Variants in CEP131 observed in about 807,000 individuals in gnomAD.
The protein encoded by CEP131 is centrosomal protein 131.
In CEP131, 99 loss-of-function variants were observed where a neutral mutation model predicts 136.8. That is an observed-to-expected ratio of 0.72 (90% CI 0.62 to 0.86). The LOEUF is 0.86. Among genes scored for constraint, CEP131 ranks in the 40% least tolerant of loss-of-function variants. The pLI, the probability that CEP131 is intolerant of heterozygous loss-of-function variation, is 0.00. For synonymous variants in CEP131, 646 were observed against 612.7 expected (o/e 1.05, Z -0.80); for missense variants, 1,459 against 1,463.0 (o/e 1.00, Z 0.04).
In CEP131 at chr17:81,199,402, C is replaced by G. The variant is rs749160439; in HGVS notation, c.1171G>C (p.Ala391Pro). ...SPTPGGTAHQ[A>P]LKANNTGGGL... The stretch of plus-strand genomic sequence containing the variant: ...TCACCAGTATTGTTGGCCTTGAGGG[C>G]CTGGTGGGCAGTGCCGCCTGGTGTG... Residue 391 changes from alanine to proline, a missense_variant, in exon 10 of 26, where the codon GCC becomes CCC. Ala to Pro is a conservative substitution (Grantham distance 27). Coordinates refer to ENST00000450824, the MANE Select transcript of CEP131 (RefSeq NM_014984.4). The G allele has an allele frequency of 1.2e-6, 2 of 1,605,040 alleles. No homozygotes were observed. Among genetic ancestry groups the G allele is most frequent in the Admixed American group, 1.7e-5 (1 of 58,882 alleles).
In CEP131 at chr17:81,203,410, C is replaced by T. The variant is rs763590012; in HGVS notation, c.629+84G>A. 1.5e-5 allele frequency: 17 copies of T among 1,141,730 alleles called. No homozygotes were observed. The highest frequency in any genetic ancestry group is 4.1e-4 in the Middle Eastern group (2 of 4,882). The allele number at this position is 1,141,730 out of a possible 1,614,324, so 70.7% of individuals were successfully genotyped here. ...GTGTGAACTGACCGCGTGCCCTGAC[C>T]GAGGTCGGACCCCAGGTGCACTGAC... On this transcript the variant is annotated intron_variant, in intron 6 of 25. Coordinates refer to ENST00000450824, the MANE Select transcript of CEP131 (RefSeq NM_014984.4). This position sits in a 1 kb window ranked among gnomAD's most constrained non-coding sequence, Gnocchi z 4.6.
chr17:81,197,663 G>A (rs1279721837), intron 13 of CEP131, 49 bp downstream of exon 13: 1 of 1,569,098 alleles, frequency 6.4e-7, no homozygotes, highest in South Asian at 1.2e-5. Flanking sequence ...GCAGGCTCGT[G>A]AGGGGCCTCC....
chr17:81,191,092 T>G lies in CEP131; in HGVS notation c.2766-8A>C. 6.3e-7 allele frequency: 1 copy of G among 1,599,060 alleles called. No homozygotes were observed. Among genetic ancestry groups the G allele is most frequent in the Non-Finnish European group, 8.5e-7 (1 of 1,171,494 alleles). The stretch of plus-strand genomic sequence containing the variant: ...TCCCGTAAGCGCTTGATGCTGGAGG[T>G]GGGGGGAGGGCAGGGTCACTCCAGC... On this transcript the variant is annotated splice_polypyrimidine_tract_variant and splice_region_variant and intron_variant, in intron 22 of 25. Coordinates refer to ENST00000450824, the MANE Select transcript of CEP131 (RefSeq NM_014984.4).
rs768406232 is a variant in CEP131 at position 81,192,794 on chromosome 17, G to C, written c.2371C>G (p.Gln791Glu). 1 of 1,598,398 alleles carries C rather than the reference G, an allele frequency of 6.3e-7. No individual in the cohort carries two copies. The highest frequency in any genetic ancestry group is 8.5e-7 in the Non-Finnish European group (1 of 1,179,002). ...TCAGCCACCTCACTGTACAGCCGCT[G>C]CCGTTGCTGCTGCAGCGCCCACTGC... is the stretch of plus-strand genomic sequence containing the variant. ...QEQWALQQQRQRLYSEVAEER... is the reference protein window; with the variant it reads ...QEQWALQQQRERLYSEVAEER... The change falls in exon 19 of 26, where the codon CAG becomes GAG. Residue 791 changes from glutamine to glutamate, a missense_variant. By Grantham distance (29) the Gln-to-Glu change is conservative (BLOSUM62 2). Coordinates refer to ENST00000450824, the MANE Select transcript of CEP131 (RefSeq NM_014984.4).
At position 81,198,123 on chromosome 17, in the gene CEP131, C is replaced by T. The variant is rs1397099918; in HGVS notation, c.1462G>A (p.Ala488Thr). The T allele has an allele frequency of 2.6e-6, 4 of 1,564,374 alleles. No individual in the cohort carries two copies. Among genetic ancestry groups the T allele is most frequent in the Admixed American group, 1.9e-5 (1 of 53,906 alleles). Residue 488 changes from alanine (A) to threonine (T), a missense_variant, in exon 12 of 26, where the codon GCC becomes ACC. Around this residue, in one of 3 missense-constraint regions of CEP131, gnomAD observed 1,026 missense variants for 964.2 expected, o/e 1.06. Coordinates refer to ENST00000450824, the MANE Select transcript of CEP131 (RefSeq NM_014984.4). ...GCGCACACCGTGGTCACCTCGCTGG[C>T]CCAGGCGTATCTGCCCCTGTGATGG... ...RTHHRGRYAW[A>T]SEEDDASSLT...
At chr17:81,216,585 C>T (rs1353278023) in intron 2 of CEP131, among the ~76,000 whole-genome samples, 3 of 152,196 alleles carry the variant, frequency 2.0e-5, no homozygotes, top group Non-Finnish European at 4.4e-5. Context: ...GGATACGGCA[C>T]TTGTTCCAAC....
intron 17 of CEP131, 74 bp from the exon 18 acceptor site, chr17:81,194,201 A>G (rs2146515144): frequency 7.3e-7 from 1 of 1,363,330 alleles, no homozygotes. Flanking sequence ...GCACAAGACC[A>G]GCCTGTCTCA....
intron 1 of CEP131, among the ~76,000 whole-genome samples, chr17:81,221,847 T>C: frequency 6.6e-6 from 1 of 152,256 alleles, no homozygotes. Context: ...CCTGCCACGG[T>C]GGCCTCCAGT....
chr17:81,192,667 A>AGGGGGGG (rs3833101), intron 19 of CEP131, 69 bp downstream of exon 19: 1 of 176,868 alleles, frequency 5.7e-6, no homozygotes, highest in African/African-American at 4.9e-5. Flanking sequence ...TCAGCGGGTG[A>AGGGGGGG]GGGGGCGGGG....
chr17:81,192,533 G>C lies in CEP131; in HGVS notation c.2490C>G (p.Thr830=). 6.2e-7 allele frequency: 1 copy of C among 1,610,634 alleles called. No individual in the cohort carries two copies. The highest frequency in any genetic ancestry group is 8.5e-7 in the Non-Finnish European group (1 of 1,179,604). Reference sequence around the variant, plus strand: ...TCTCAAACTCAGCCCTCAGGGCTCGGGTCAGTGCAGAGCTGCTCTCCTCCA... The same window carrying C: ...TCTCAAACTCAGCCCTCAGGGCTCGCGTCAGTGCAGAGCTGCTCTCCTCCA... The part of the protein sequence containing the change: ...QQLEESSSAL[T]RALRAEFEKG... The change falls in exon 20 of 26, where the codon ACC becomes ACG. Residue 830 remains threonine, a synonymous_variant. Coordinates refer to ENST00000450824, the MANE Select transcript of CEP131 (RefSeq NM_014984.4).
intron 24 of CEP131, among the ~76,000 whole-genome samples, chr17:81,190,414 C>T (rs894948049): frequency 6.6e-6 from 1 of 152,182 alleles, no homozygotes; most frequent in Non-Finnish European, 1.5e-5. Context: ...ACTCGGGTGC[C>T]CCAACAGGGA....
rs1205821193 is a variant in CEP131 at position 81,194,019 on chromosome 17, T to C, written c.2228A>G (p.Gln743Arg). 6 of 1,570,678 alleles carry C rather than the reference T, an allele frequency of 3.8e-6. No individual in the cohort carries two copies. Among genetic ancestry groups the C allele is most frequent in the Non-Finnish European group, 5.2e-6 (6 of 1,158,536 alleles). Reference sequence around the variant, plus strand: ...CTCCTCGGCCTGGCGCAGGCAGCGCTGCGAGGCCCGCTCATCCGACTGCAG... The same window carrying C: ...CTCCTCGGCCTGGCGCAGGCAGCGCCGCGAGGCCCGCTCATCCGACTGCAG... ...ELLQSDERAS[Q>R]RCLRQAEELR... The change falls in exon 18 of 26, where the codon CAG becomes CGG. Residue 743 changes from glutamine (Q) to arginine (R), a missense_variant. Coordinates refer to ENST00000450824, the MANE Select transcript of CEP131 (RefSeq NM_014984.4).
intron 2 of CEP131, among the ~76,000 whole-genome samples, chr17:81,217,919 C>T (rs567050265): frequency 5.3e-5 from 8 of 152,228 alleles, no homozygotes; most frequent in African/African-American, 1.4e-4. Flanking sequence ...GCCATGCCGC[C>T]GAAAGACCAT....
At chr17:81,205,562 A>C (rs917681363) in intron 5 of CEP131, among the ~76,000 whole-genome samples, 7 of 151,574 alleles carry the variant, frequency 4.6e-5, no homozygotes, top group African/African-American at 1.7e-4. Flanking sequence ...GTGCTGTTTG[A>C]CATTTTGGCT....
At position 81,195,886 on chromosome 17, in the gene CEP131, C is replaced by T; in HGVS notation, c.1965G>A (p.Glu655=). The T allele has an allele frequency of 6.2e-7, 1 of 1,609,438 alleles. No homozygotes were observed. The highest frequency in any genetic ancestry group is 8.5e-7 in the Non-Finnish European group (1 of 1,179,940). ...CCACACGCTCGGTGCATCTCTGGTCCTCCTGCTTCAGCTCGGCCACCACAG... is the reference window on the plus strand; with the variant it reads ...CCACACGCTCGGTGCATCTCTGGTCTTCCTGCTTCAGCTCGGCCACCACAG... The part of the protein sequence containing the change: ...CEAVVAELKQ[E]DQRCTERVAQ... Residue 655 remains glutamate (E), a synonymous_variant, in exon 16 of 26, where the codon GAG becomes GAA. Transcript: ENST00000450824.
chr17:81,192,214 C>A, intron 21 of CEP131, 104 bp downstream of exon 21: 2 of 1,089,954 alleles, frequency 1.8e-6, no homozygotes, highest in Non-Finnish European at 2.6e-6. Flanking sequence ...AAACGAGCCC[C>A]CAGGATGCCA....
In CEP131 at chr17:81,196,916, G is replaced by A; in HGVS notation, c.1773+14C>T. Reference sequence around the variant, plus strand: ...GCTAGCAGGGCCCGGGATTAGCAGTGCCAGCAGCGTTACCAGCGCTCTCTG... The same window carrying A: ...GCTAGCAGGGCCCGGGATTAGCAGTACCAGCAGCGTTACCAGCGCTCTCTG... On this transcript the variant is annotated intron_variant, in intron 14 of 25. Transcript: ENST00000450824. The A allele has an allele frequency of 6.2e-7, 1 of 1,608,938 alleles. No individual in the cohort carries two copies. Among genetic ancestry groups the A allele is most frequent in the Admixed American group, 1.7e-5 (1 of 59,688 alleles).
At position 81,219,428 on chromosome 17, in the gene CEP131, G is replaced by C. The variant is rs1210913514; in HGVS notation, c.177+452C>G. On this transcript the variant is annotated intron_variant, in intron 2 of 25. Transcript: ENST00000450824. The surrounding 1 kb of genome is among the most constrained non-coding windows in gnomAD (Gnocchi z 4.0). Reference sequence around the variant, plus strand: ...CCTGCCTCAGCCTCCCGAGTAGCTAGGATTACAGGCATGCACCACCATGCC... The same window carrying C: ...CCTGCCTCAGCCTCCCGAGTAGCTACGATTACAGGCATGCACCACCATGCC... 1.3e-5 allele frequency among the ~76,000 whole-genome samples: 2 copies of C among 151,642 alleles called. No individual in the cohort carries two copies. The highest frequency in any genetic ancestry group is 4.9e-5 in the African/African-American group (2 of 41,232).
chr17:81,197,192 G>C, intron 13 of CEP131, 137 bp from the exon 14 acceptor site: 1 of 1,294,762 alleles, frequency 7.7e-7, no homozygotes, highest in Non-Finnish European at 1.0e-6. Flanking sequence ...AAGCCGGAGG[G>C]CAGGTGGCAG....
Sources: gnomAD v4.1 joint callset for allele counts (sites outside exome capture counted in the v4.1 genomes callset) on GRCh38, gnomAD v4.1.1 for gene constraint, gnomAD v4.1.1 regional missense constraint, Gnocchi (gnomAD v3.1) non-coding constraint, MANE v1.5 for transcripts, NCBI Gene and HGNC (gene_info 2026-07-23, HGNC 2026-07-21) for gene names.